DENND5A: variants seen among roughly 807,000 people sequenced by gnomAD.
DENND5A encodes DENN domain-containing protein 5A.
A neutral mutation model predicts 140.3 loss-of-function variants in DENND5A; 64 were observed. That is an observed-to-expected ratio of 0.46 (90% CI 0.37 to 0.56). DENND5A has a LOEUF of 0.56. Among genes scored for constraint, DENND5A ranks in the 20% least tolerant of loss-of-function variants. The probability of loss-of-function intolerance (pLI) is 0.00; values close to 1 mark genes in which losing one functional copy is unlikely to be tolerated. For missense variants in DENND5A, 1,292 were observed against 1,593.8 expected (o/e 0.81, Z 3.22); for synonymous variants, 605 against 607.7 (o/e 1.00, Z 0.07).
chr11:9,241,354 A>C (rs1336396986), intron 1 of DENND5A, among the ~76,000 whole-genome samples: 4 of 152,100 alleles, frequency 2.6e-5, no homozygotes, highest in Non-Finnish European at 5.9e-5. Flanking sequence ...TCAGCGGGTA[A>C]AGGGTGGGGT....
intron 8 of DENND5A, chr11:9,172,125 G>A (rs768327357): frequency 6.6e-6 from 1 of 152,140 alleles, no homozygotes; most frequent in Non-Finnish European, 1.5e-5. Flanking sequence ...GATATTACAT[G>A]TATGTGTAAC....
Position 9,164,232 on chromosome 11 carries a change from T to C in DENND5A, c.2283+1604A>G, listed in dbSNP as rs868428804. ...TTTTTTTTTTTTTTTTTTTTTTTTTTAGTAGAGATGAGGTTTTGCCATGTT... is the reference window on the plus strand; with the variant it reads ...TTTTTTTTTTTTTTTTTTTTTTTTTCAGTAGAGATGAGGTTTTGCCATGTT... On this transcript the variant is annotated intron_variant, in intron 11 of 22. Coordinates refer to ENST00000328194, the MANE Select transcript of DENND5A (RefSeq NM_015213.4). 2.2e-3 allele frequency among the ~76,000 whole-genome samples: 245 copies of C among 109,910 alleles called. 2 individuals are homozygous for C. The highest frequency in any genetic ancestry group is 8.0e-3 in the African/African-American group (235 of 29,530). 72.1% of individuals were successfully genotyped at this position (109,910 alleles called of 152,430 possible).
intron 12 of DENND5A, among the ~76,000 whole-genome samples, chr11:9,156,270 C>A (rs1253498125): frequency 6.6e-6 from 1 of 152,166 alleles, no homozygotes; most frequent in Non-Finnish European, 1.5e-5. Context: ...TCTGGTGACA[C>A]TGTCACTGCT....
intron 19 of DENND5A, 107 bp from the exon 20 acceptor site, chr11:9,143,592 G>T: frequency 1.1e-6 from 1 of 908,388 alleles, no homozygotes. Flanking sequence ...GAGAGGCAGG[G>T]CAGCTGGACC....
chr11:9,178,536 T>C (rs1040353079), intron 7 of DENND5A, among the ~76,000 whole-genome samples, 170 bp from the exon 8 acceptor site: 28 of 151,704 alleles, frequency 1.8e-4, no homozygotes, highest in Non-Finnish European at 2.8e-4. Context: ...AGTTCAGGTA[T>C]CTTGAAACTT....
At chr11:9,183,816 CTTCA>C (rs149612296) in intron 5 of DENND5A, among the ~76,000 whole-genome samples, 2,017 of 152,198 alleles carry the variant, frequency 0.013, 22 homozygotes, top group Non-Finnish European at 0.023. Flanking sequence ...TGTAGCCATA[CTTCA>C]TTCATTTTCA....
intron 12 of DENND5A, among the ~76,000 whole-genome samples, chr11:9,156,267 ACACTGT>A (rs1184144707): frequency 6.6e-6 from 1 of 152,158 alleles, no homozygotes; most frequent in Non-Finnish European, 1.5e-5. Flanking sequence ...TCCTCTGGTG[ACACTGT>A]CACTGCTTCA....
chr11:9,143,222 G>A (rs1847307474), intron 20 of DENND5A, 181 bp downstream of exon 20: 5 of 674,626 alleles, frequency 7.4e-6, no homozygotes, highest in African/African-American at 1.8e-5. Context: ...GGTAACCTGA[G>A]GCAAAGGCCC....
chr11:9,210,409 G>C (rs1272176521), intron 1 of DENND5A, among the ~76,000 whole-genome samples: 2 of 152,192 alleles, frequency 1.3e-5, no homozygotes, highest in Non-Finnish European at 2.9e-5. Context: ...GTCTATCTTT[G>C]TGAATCTGCT....
At chr11:9,141,804 C>A in intron 22 of DENND5A, 136 bp downstream of exon 22, 1 of 696,104 alleles carries the variant, frequency 1.4e-6, no homozygotes, top group Non-Finnish European at 2.2e-6. Flanking sequence ...AAATTCAGGG[C>A]TTCTAGGAAA....
intron 1 of DENND5A, among the ~76,000 whole-genome samples, chr11:9,254,229 G>C (rs12272299): frequency 0.038 from 5,816 of 151,360 alleles, 378 homozygotes; most frequent in African/African-American, 0.13. Flanking sequence ...AAGAGGCTAA[G>C]GTAGGAGGAT....
At chr11:9,211,038 T>C (rs1849860007) in intron 1 of DENND5A, among the ~76,000 whole-genome samples, 1 of 152,148 alleles carries the variant, frequency 6.6e-6, no homozygotes. Flanking sequence ...AAGAAGATTC[T>C]CAAGTAGGGA....
At chr11:9,254,834 A>G (rs1029102198) in intron 1 of DENND5A, among the ~76,000 whole-genome samples, 2 of 152,118 alleles carry the variant, frequency 1.3e-5, no homozygotes, top group Non-Finnish European at 2.9e-5. Context: ...GCCCTTTAAG[A>G]GGCCAAGGAG....
At chr11:9,167,363 C>T (rs1216891461) in intron 10 of DENND5A, among the ~76,000 whole-genome samples, 1 of 151,676 alleles carries the variant, frequency 6.6e-6, no homozygotes, top group Non-Finnish European at 1.5e-5. Context: ...TACCACCCTC[C>T]TCCAAAATAT....
intron 5 of DENND5A, among the ~76,000 whole-genome samples, chr11:9,183,545 T>C (rs1848804784): frequency 6.6e-6 from 1 of 151,954 alleles, no homozygotes; most frequent in African/African-American, 2.4e-5. Context: ...GCCAAGTAGC[T>C]TGGACTATAG....
chr11:9,242,646 C>A (rs1044404489), intron 1 of DENND5A: 1 of 152,042 alleles, frequency 6.6e-6, no homozygotes, highest in African/African-American at 2.4e-5. Context: ...CATCTAATAC[C>A]TGGCATTGAA....
intron 5 of DENND5A, among the ~76,000 whole-genome samples, chr11:9,191,254 G>A (rs1343464031): frequency 6.6e-6 from 1 of 151,836 alleles, no homozygotes; most frequent in African/African-American, 2.4e-5. Flanking sequence ...CTGTCACCCA[G>A]GCTGGAGTGC....
intron 1 of DENND5A, among the ~76,000 whole-genome samples, chr11:9,260,616 T>C (rs1296636943): frequency 6.6e-6 from 1 of 152,154 alleles, no homozygotes; most frequent in South Asian, 2.1e-4. Context: ...TGCTCACATA[T>C]TACCTTCTTC....
chr11:9,200,671 T>C (rs1408863540), intron 4 of DENND5A, among the ~76,000 whole-genome samples: 2 of 152,224 alleles, frequency 1.3e-5, no homozygotes, highest in Non-Finnish European at 2.9e-5. Context: ...TAGTTTCCAT[T>C]ACTTCACCTT....
Sources: gnomAD v4.1 joint callset for allele counts (sites outside exome capture counted in the v4.1 genomes callset) on GRCh38, gnomAD v4.1.1 for gene constraint, MANE v1.5 for transcripts, NCBI Gene and HGNC (gene_info 2026-07-23, HGNC 2026-07-21) for gene names.